The following GLIPR1L2 variants were observed in gnomAD, a reference collection of about 807,000 sequenced individuals.
GLIPR1L2 encodes the protein GLIPR1-like protein 2.
In GLIPR1L2, 21 loss-of-function variants were observed where a neutral mutation model predicts 28.4. The observed-to-expected ratio is 0.74, with a 90% confidence interval of 0.52 to 1.06. The LOEUF (loss-of-function observed/expected upper bound fraction) is 1.06, where lower values mean the gene tolerates loss of function less well. GLIPR1L2 is among the 50% of genes least tolerant of loss of function. GLIPR1L2 has a pLI of 0.00. For missense variants in GLIPR1L2, 476 were observed against 416.9 expected, an observed-to-expected ratio of 1.14 and a Z score of -1.23; for synonymous variants, 145 against 139.3, an observed-to-expected ratio of 1.04 and a Z score of -0.29.
At chr12:75,426,652 C>T (rs1278705956) in intron 4 of GLIPR1L2, among the ~76,000 whole-genome samples, 1 of 152,220 alleles carries the variant, frequency 6.6e-6, no homozygotes, top group African/African-American at 2.4e-5. Flanking sequence ...TGACTTCACA[C>T]TCACGTGGTA....
chr12:75,410,541 TG>T lies in GLIPR1L2; in HGVS notation c.344del (p.Gly115ValfsTer84). ...DVQMVHPKFY[G>X]IGENMWVGPE... is the part of the protein sequence containing the mutation. The stretch of plus-strand genomic sequence containing the variant: ...TACAAATGGTCCATCCTAAATTTTA[TG>T]GTATTGGTGAAAATATGTGGGTCGG... On this transcript the variant is annotated frameshift_variant, in exon 2 of 6. Coordinates refer to ENST00000550916, the MANE Select transcript of GLIPR1L2 (RefSeq NM_001270396.2). LOFTEE classifies it high-confidence loss of function. 6.2e-7 allele frequency: 1 copy of T among 1,612,388 alleles called. No individual in the cohort carries two copies. The highest frequency in any genetic ancestry group is 8.5e-7 in the Non-Finnish European group (1 of 1,178,948).
At chr12:75,406,149 T>TA (rs1348390700) in intron 1 of GLIPR1L2, among the ~76,000 whole-genome samples, 7 of 112,920 alleles carry the variant, frequency 6.2e-5, no homozygotes, top group East Asian at 5.9e-4. Context: ...AGGTCTTTTT[T>TA]TAAAAAAAAA....
At chr12:75,410,294 C>T in intron 1 of GLIPR1L2, 140 bp from the exon 2 acceptor site, 1 of 720,940 alleles carries the variant, frequency 1.4e-6, no homozygotes, top group Non-Finnish European at 2.1e-6. Context: ...AAGTTTTTCC[C>T]AGCAGAAATT....
At chr12:75,428,333 A>T (rs534312082) in intron 4 of GLIPR1L2, among the ~76,000 whole-genome samples, 1 of 152,152 alleles carries the variant, frequency 6.6e-6, no homozygotes, top group South Asian at 2.1e-4. Flanking sequence ...GAGACAGATG[A>T]TTTAGGGTAT....
At chr12:75,406,757 CAAAA>C (rs373650750) in intron 1 of GLIPR1L2, among the ~76,000 whole-genome samples, 3 of 110,460 alleles carry the variant, frequency 2.7e-5, no homozygotes, top group Non-Finnish European at 1.8e-5. Context: ...GTCCCTATCT[CAAAA>C]AAAAAAAAAA....
intron 1 of GLIPR1L2, among the ~76,000 whole-genome samples, chr12:75,407,407 A>G (rs1196854719): frequency 6.6e-6 from 1 of 152,174 alleles, no homozygotes; most frequent in Non-Finnish European, 1.5e-5. Flanking sequence ...GGGAAAATTA[A>G]AAGACAGAGA....
In GLIPR1L2 at chr12:75,430,829, C is replaced by A; in HGVS notation, c.703C>A (p.Arg235=). 6.5e-7 allele frequency: 1 copy of A among 1,533,088 alleles called. No homozygotes were observed. 95.0% of individuals were successfully genotyped at this position (1,533,088 alleles called of 1,614,324 possible). A position where few individuals can be genotyped will look rare whatever the true frequency, so the allele number is the denominator to read the frequency against. The change falls in exon 6 of 6, where the codon CGA becomes AGA. Residue 235 remains arginine (R), a synonymous_variant. Coordinates refer to ENST00000550916, the MANE Select transcript of GLIPR1L2 (RefSeq NM_001270396.2). ...NADRDQATYY[R]FWYPKWEMPR... ...AATTGCTTCTTTGTTTACAGATTAC[C>A]GATTTTGGTATCCAAAATGGGAAAT...
At chr12:75,415,378 A>G (rs2045913657) in intron 3 of GLIPR1L2, among the ~76,000 whole-genome samples, 1 of 152,060 alleles carries the variant, frequency 6.6e-6, no homozygotes, top group South Asian at 2.1e-4. Context: ...GAGGAAGTAC[A>G]ATTAGGAGGC....
At chr12:75,401,182 A>C (rs935983997) in intron 1 of GLIPR1L2, among the ~76,000 whole-genome samples, 7 of 151,784 alleles carry the variant, frequency 4.6e-5, no homozygotes, top group African/African-American at 1.7e-4. Context: ...ATAATATTTT[A>C]AAATAAACTA....
chr12:75,405,809 A>C (rs1032775601), intron 1 of GLIPR1L2, among the ~76,000 whole-genome samples: 3 of 152,164 alleles, frequency 2.0e-5, no homozygotes, highest in Non-Finnish European at 4.4e-5. Flanking sequence ...GAAAAGAAAA[A>C]TTTATGTTGC....
chr12:75,423,725 A>G (rs1380953118), intron 4 of GLIPR1L2: 1 of 152,812 alleles, frequency 6.5e-6, no homozygotes, highest in Non-Finnish European at 1.5e-5. Context: ...CCTAGCCCTG[A>G]CCCCCTGACA....
chr12:75,427,444 A>G (rs1166910911), intron 4 of GLIPR1L2, among the ~76,000 whole-genome samples: 4 of 152,238 alleles, frequency 2.6e-5, no homozygotes, highest in Non-Finnish European at 5.9e-5. Context: ...AGGCTAAAAT[A>G]ACGGCAAAGA....
intron 4 of GLIPR1L2, among the ~76,000 whole-genome samples, chr12:75,429,053 A>G (rs2046064052): frequency 6.6e-6 from 1 of 152,220 alleles, no homozygotes; most frequent in Non-Finnish European, 1.5e-5. Context: ...CACCACACAG[A>G]GTCCCTACTG....
chr12:75,411,384 A>C (rs1427370089), intron 2 of GLIPR1L2, among the ~76,000 whole-genome samples: 1 of 151,734 alleles, frequency 6.6e-6, no homozygotes, highest in Non-Finnish European at 1.5e-5. Context: ...CAATCAATAG[A>C]CCCTGATGTC....
In GLIPR1L2 at chr12:75,431,109, A is replaced by G; in HGVS notation, c.983A>G (p.Glu328Gly). The G allele has an allele frequency of 1.0e-6, 1 of 985,366 alleles. No individual in the cohort carries two copies. Among genetic ancestry groups the G allele is most frequent in the Non-Finnish European group, 1.5e-6 (1 of 650,342 alleles). 61.0% of individuals were successfully genotyped at this position (985,366 alleles called of 1,614,324 possible). A position where few individuals can be genotyped will look rare whatever the true frequency, so the allele number is the denominator to read the frequency against. ...ATGGAGGAGGAAAAAGAAGAGAGAGAGGAGGAGGAGGAGGAAACACAAAAA... is the reference window on the plus strand; with the variant it reads ...ATGGAGGAGGAAAAAGAAGAGAGAGGGGAGGAGGAGGAGGAAACACAAAAA... Reference protein sequence around the residue: ...MEMEEEKEEREEEEEETQKEK... With the variant: ...MEMEEEKEERGEEEEETQKEK... Residue 328 changes from glutamate to glycine, a missense_variant, in exon 6 of 6, where the codon GAG (glutamate) becomes GGG (glycine). Physicochemically the swap from Glu to Gly is moderately conservative, Grantham distance 98. Transcript: ENST00000550916.
chr12:75,407,432 G>A (rs1566068429), intron 1 of GLIPR1L2, among the ~76,000 whole-genome samples: 1 of 152,084 alleles, frequency 6.6e-6, no homozygotes, highest in African/African-American at 2.4e-5. Context: ...AAAATGCAAA[G>A]TTCCTAAATC....
At chr12:75,419,143 G>A (rs964655286) in intron 3 of GLIPR1L2, among the ~76,000 whole-genome samples, 1 of 152,038 alleles carries the variant, frequency 6.6e-6, no homozygotes, top group Admixed American at 6.6e-5. Flanking sequence ...ACATGTACCC[G>A]AGAATTTAAA....
In GLIPR1L2 at chr12:75,413,669, T is replaced by C. The variant is rs759996677; in HGVS notation, c.552T>C (p.His184=). ...TPCSKIGHII[H]AAIFICNYAP... ...GTTCAAAAATTGGACATATTATACA[T>C]GCAGCAATTTTCATATGCAACTATG... Residue 184 remains histidine, a synonymous_variant, in exon 3 of 6, where the codon CAT becomes CAC. Coordinates refer to ENST00000550916, the MANE Select transcript of GLIPR1L2 (RefSeq NM_001270396.2). 1.9e-6 allele frequency: 3 copies of C among 1,539,716 alleles called. No individual in the cohort carries two copies. The highest frequency in any genetic ancestry group is 4.0e-5 in the Admixed American group (2 of 50,106).
At chr12:75,407,740 A>C (rs1009287724) in intron 1 of GLIPR1L2, among the ~76,000 whole-genome samples, 4 of 152,084 alleles carry the variant, frequency 2.6e-5, no homozygotes, top group Admixed American at 1.3e-4. Context: ...GTAATTGACT[A>C]TTTCCCTGTG....
Sources: allele counts gnomAD v4.1 joint callset (sites outside exome capture counted in the v4.1 genomes callset), GRCh38; gene constraint gnomAD v4.1.1; transcripts MANE v1.5; gene names NCBI Gene and HGNC (gene_info 2026-07-23, HGNC 2026-07-21).